Variants in MAP2 observed in about 807,000 individuals in gnomAD.
MAP2 encodes microtubule associated protein 2.
In MAP2, 14 loss-of-function variants were observed where a neutral mutation model predicts 137.6. The observed-to-expected ratio is 0.10, with a 90% confidence interval of 0.07 to 0.16. The LOEUF is 0.16. Ranked by LOEUF, MAP2 falls within the 10% of genes least tolerant of loss-of-function variation. The pLI, the probability that MAP2 is intolerant of heterozygous loss-of-function variation, is 1.00. For synonymous variants in MAP2, 786 were observed against 782.3 expected (o/e 1.00, Z -0.08); for missense variants, 2,088 against 2,191.5 (o/e 0.95, Z 0.94).
intron 1 of MAP2, among the ~76,000 whole-genome samples, chr2:209,469,492 G>A (rs762607982): frequency 2.6e-5 from 4 of 152,054 alleles, no homozygotes; most frequent in South Asian, 2.1e-4. Flanking sequence ...GTAAGTATAT[G>A]CACAATACAC....
chr2:209,517,795 T>A (rs890900209), intron 2 of MAP2, among the ~76,000 whole-genome samples: 3 of 151,772 alleles, frequency 2.0e-5, no homozygotes, highest in African/African-American at 7.3e-5. Context: ...GGGGAAGAAG[T>A]ATGCTCAAAA....
chr2:209,621,565 T>C (rs2091208762), intron 3 of MAP2, among the ~76,000 whole-genome samples: 1 of 152,076 alleles, frequency 6.6e-6, no homozygotes, highest in African/African-American at 2.4e-5. Context: ...GACTGATGTT[T>C]TGCTTATCTG....
intron 5 of MAP2, among the ~76,000 whole-genome samples, chr2:209,670,292 A>C (rs1312651564): frequency 6.6e-6 from 1 of 152,006 alleles, no homozygotes; most frequent in Non-Finnish European, 1.5e-5. Flanking sequence ...GGACACCCCC[A>C]AAACCACCAC....
chr2:209,639,253 C>T lies in MAP2; in HGVS notation c.-29-13889C>T, dbSNP rs1031146989. The stretch of plus-strand genomic sequence containing the variant: ...AACTGAATTCAAAACATAATAATGT[C>T]AATACCCATCAAAATTGTATAAAAC... On this transcript the variant is annotated intron_variant, in intron 4 of 15. Coordinates refer to ENST00000682079, the MANE Select transcript of MAP2 (RefSeq NM_001375505.1). Among the ~76,000 whole-genome samples the T allele has an allele frequency of 3.2e-4, 48 of 152,174 alleles. 1 individual carries two copies. The highest frequency in any genetic ancestry group is 2.4e-5 in the African/African-American group (1 of 41,516).
rs562387371 is a variant in MAP2, at chr2:209,580,031, G to A, written c.-171-5G>A. 2.8e-5 allele frequency: 4 copies of A among 145,428 alleles called. No homozygotes were observed. The highest frequency in any genetic ancestry group is 4.1e-4 in the East Asian group (2 of 4,906). The allele number at this position is 145,428 out of a possible 1,614,324, so 9.0% of individuals were successfully genotyped here. ...ATATATGTTTCTTTTGTTTTGTTTC[G>A]GTAGATTCTTCAGCTTGTCTCTAAC... is the stretch of plus-strand genomic sequence containing the variant. On this transcript the variant is annotated splice_region_variant and splice_polypyrimidine_tract_variant and intron_variant, in intron 2 of 15. Coordinates refer to ENST00000682079, the MANE Select transcript of MAP2 (RefSeq NM_001375505.1).
At chr2:209,483,432 G>C (rs2149856562) in intron 1 of MAP2, among the ~76,000 whole-genome samples, 1 of 152,304 alleles carries the variant, frequency 6.6e-6, no homozygotes, top group Non-Finnish European at 1.5e-5. Context: ...AAATTAGCCA[G>C]TGATGGTGGC....
intron 3 of MAP2, among the ~76,000 whole-genome samples, chr2:209,620,184 C>T (rs1430848120): frequency 1.3e-5 from 2 of 152,074 alleles, no homozygotes; most frequent in East Asian, 1.9e-4. Context: ...ATTGTTTATC[C>T]TTCACCTACT....
intron 13 of MAP2, among the ~76,000 whole-genome samples, chr2:209,717,960 C>T (rs185812869): frequency 4.6e-4 from 70 of 152,238 alleles, no homozygotes; most frequent in African/African-American, 1.5e-3. Context: ...AAATACCCTA[C>T]GAACTTGTAA....
At chr2:209,725,432 A>C (rs954534250) in intron 13 of MAP2, among the ~76,000 whole-genome samples, 5 of 152,200 alleles carry the variant, frequency 3.3e-5, no homozygotes, top group African/African-American at 1.2e-4. Context: ...TTGCCTTATT[A>C]ATATGTTTCT....
At chr2:209,630,166 A>G (rs530134094) in intron 4 of MAP2, among the ~76,000 whole-genome samples, 6 of 152,294 alleles carry the variant, frequency 3.9e-5, no homozygotes, top group African/African-American at 1.4e-4. Flanking sequence ...AATAGGGAAG[A>G]TTATTTTATG....
At chr2:209,630,695 T>G (rs2092910391) in intron 4 of MAP2, among the ~76,000 whole-genome samples, 3 of 152,000 alleles carry the variant, frequency 2.0e-5, no homozygotes. Context: ...GTTAAGAGAT[T>G]AGAAGAGCAG....
chr2:209,642,916 G>A (rs745964286), intron 4 of MAP2, among the ~76,000 whole-genome samples: 1 of 152,078 alleles, frequency 6.6e-6, no homozygotes, highest in Non-Finnish European at 1.5e-5. Flanking sequence ...CAAAACAAAA[G>A]TTTCTATTTT....
chr2:209,678,492 C>CTA (rs2052994560), intron 5 of MAP2, 80 bp from the exon 6 acceptor site: 2 of 642,662 alleles, frequency 3.1e-6, no homozygotes, highest in Non-Finnish European at 5.3e-6. Flanking sequence ...TTATAATCCA[C>CTA]TATACTGTTT....
At chr2:209,472,986 G>C (rs996746711) in intron 1 of MAP2, among the ~76,000 whole-genome samples, 2 of 152,140 alleles carry the variant, frequency 1.3e-5, no homozygotes, top group Admixed American at 6.6e-5. Context: ...ACATTCTTCT[G>C]ATTCTTTCAA....
chr2:209,610,700 C>T (rs1486466720), intron 3 of MAP2, among the ~76,000 whole-genome samples: 1 of 152,072 alleles, frequency 6.6e-6, no homozygotes, highest in East Asian at 1.9e-4. Flanking sequence ...AATAAGCAAT[C>T]ATGGCTACTT....
chr2:209,723,471 T>C, intron 13 of MAP2: 5 of 649,600 alleles, frequency 7.7e-6, no homozygotes, highest in Non-Finnish European at 1.4e-5. Flanking sequence ...TGTTAGATTT[T>C]CTCTTAAATA....
intron 3 of MAP2, among the ~76,000 whole-genome samples, chr2:209,610,073 C>A (rs1414794855): frequency 1.3e-5 from 2 of 152,032 alleles, no homozygotes; most frequent in Non-Finnish European, 2.9e-5. Flanking sequence ...AAAATTAGAA[C>A]CATGGCAAGA....
chr2:209,716,966 G>C (rs756775948), intron 13 of MAP2, among the ~76,000 whole-genome samples: 14 of 151,696 alleles, frequency 9.2e-5, no homozygotes, highest in Non-Finnish European at 1.6e-4. Context: ...TTGAGTAAAA[G>C]AGCAGGTTTC....
chr2:209,716,050 C>G (rs1034705738), intron 13 of MAP2, among the ~76,000 whole-genome samples: 8 of 152,116 alleles, frequency 5.3e-5, no homozygotes, highest in Non-Finnish European at 1.2e-4. Context: ...TGATCTCTTG[C>G]TGATATTGTC....
Sources: allele counts gnomAD v4.1 joint callset (sites outside exome capture counted in the v4.1 genomes callset), GRCh38; gene constraint gnomAD v4.1.1; transcripts MANE v1.5; gene names NCBI Gene and HGNC (gene_info 2026-07-23, HGNC 2026-07-21).